LRFN5: variants seen among roughly 807,000 people sequenced by gnomAD.
LRFN5 encodes leucine rich repeat and fibronectin type III domain containing 5.
Under a neutral mutation model 45.6 loss-of-function variants are expected in LRFN5, and 24 were observed. The observed-to-expected ratio is 0.53, with a 90% CI of 0.38 to 0.74. The LOEUF (loss-of-function observed/expected upper bound fraction) is 0.74. Ranked by LOEUF, LRFN5 falls within the 30% of genes least tolerant of loss-of-function variation. LRFN5 has a pLI of 0.00. For missense variants in LRFN5, 776 were observed against 861.5 expected, an observed-to-expected ratio of 0.90 and a Z score of 1.24; for synonymous variants, 340 against 313.8, an observed-to-expected ratio of 1.08 and a Z score of -0.88.
chr14:41,707,458 A>G (rs539843123), intron 1 of LRFN5, among the ~76,000 whole-genome samples: 1 of 152,268 alleles, frequency 6.6e-6, no homozygotes, highest in Non-Finnish European at 1.5e-5. Flanking sequence ...ATTTTTACAA[A>G]TAATGTGATG....
chr14:41,699,173 ATTT>A (rs1459043812), intron 1 of LRFN5, among the ~76,000 whole-genome samples: 3 of 152,052 alleles, frequency 2.0e-5, no homozygotes, highest in Non-Finnish European at 4.4e-5. Flanking sequence ...TCGCCTGGAG[ATTT>A]TTATTAAAAT....
In LRFN5 at chr14:41,793,320, T is replaced by A. The variant is rs540165467; in HGVS notation, c.-21+26291T>A. 2.6e-5 allele frequency among the ~76,000 whole-genome samples: 4 copies of A among 152,160 alleles called. No homozygotes were observed. In the East Asian group the frequency reaches 7.8e-4, roughly 30 times the overall value. On this transcript the variant is annotated intron_variant, in intron 2 of 5. Coordinates refer to ENST00000298119, the MANE Select transcript of LRFN5 (RefSeq NM_152447.5). ...TAAATCATATGTAAGGCACACAGGT[T>A]GGAGATGAGATAAAATGCACTCTGT...
chr14:41,768,194 A>G (rs1245859258), intron 2 of LRFN5, among the ~76,000 whole-genome samples: 1 of 152,110 alleles, frequency 6.6e-6, no homozygotes, highest in Non-Finnish European at 1.5e-5. Context: ...GAACAGAAAA[A>G]CTGTAGTTAA....
intron 2 of LRFN5, among the ~76,000 whole-genome samples, chr14:41,812,932 A>T (rs1226848626): frequency 6.6e-6 from 1 of 152,142 alleles, no homozygotes; most frequent in Admixed American, 6.6e-5. Flanking sequence ...CACGTTCCAG[A>T]CTAGAGAAAA....
intron 1 of LRFN5, among the ~76,000 whole-genome samples, chr14:41,742,285 AG>A (rs1399467845): frequency 6.7e-6 from 1 of 149,682 alleles, no homozygotes. Context: ...TTTTATTAAA[AG>A]ATTAATGAAG....
intron 1 of LRFN5, chr14:41,699,897 A>G (rs1327580521): frequency 6.6e-6 from 1 of 152,116 alleles, no homozygotes; most frequent in Non-Finnish European, 1.5e-5. Context: ...AAGGATGAAC[A>G]ACTAAAACTG....
rs77193135 is a variant in LRFN5 at position 41,622,139 on chromosome 14, T to C, written c.-197+13577T>C. Reference sequence around the variant, plus strand: ...TCTTTCCATCCCTCTTTTTTTTTTTTCATTTCTTTCAGAAATAGTTTATCT... The same window carrying C: ...TCTTTCCATCCCTCTTTTTTTTTTTCCATTTCTTTCAGAAATAGTTTATCT... On this transcript the variant is annotated intron_variant, in intron 1 of 5. Coordinates refer to ENST00000298119, the MANE Select transcript of LRFN5 (RefSeq NM_152447.5). Among the ~76,000 whole-genome samples the C allele has an allele frequency of 1.1e-4, 17 of 151,262 alleles. No individual in the cohort carries two copies. The South Asian group carries it at 2.7e-3, about 24-fold the overall frequency.
At chr14:41,866,427 TTAAATCCTC>T (rs1385208140) in intron 2 of LRFN5, among the ~76,000 whole-genome samples, 1 of 152,126 alleles carries the variant, frequency 6.6e-6, no homozygotes, top group African/African-American at 2.4e-5. Context: ...ACTGCCACTA[TTAAATCCTC>T]TACTCTTGGG....
chr14:41,615,824 CAGGTGT>C (rs941494841), intron 1 of LRFN5, among the ~76,000 whole-genome samples: 3 of 152,018 alleles, frequency 2.0e-5, no homozygotes, highest in African/African-American at 7.2e-5. Flanking sequence ...GGATACATAG[CAGGTGT>C]ATATATTTCT....
chr14:41,714,797 C>A (rs1018583600), intron 1 of LRFN5, among the ~76,000 whole-genome samples: 1 of 152,062 alleles, frequency 6.6e-6, no homozygotes, highest in Admixed American at 6.6e-5. Context: ...CCCAGCTACT[C>A]AGGAGGCTGA....
intron 1 of LRFN5, among the ~76,000 whole-genome samples, chr14:41,709,435 A>C (rs537065791): frequency 7.6e-4 from 116 of 151,970 alleles, no homozygotes; most frequent in African/African-American, 2.7e-3. Context: ...ATCACTTCTC[A>C]TTTTTCACAC....
chr14:41,826,242 A>G lies in LRFN5; in HGVS notation c.-21+59213A>G, dbSNP rs747442665. 2.4e-4 allele frequency among the ~76,000 whole-genome samples: 36 copies of G among 152,180 alleles called. 1 individual carries two copies. Among genetic ancestry groups the G allele is most frequent in the Non-Finnish European group, 3.5e-4 (24 of 68,030 alleles). On this transcript the variant is annotated intron_variant, in intron 2 of 5. Transcript: ENST00000298119. The stretch of plus-strand genomic sequence containing the variant: ...CAACTCTTCAGAGGTTGCTCATTAC[A>G]TTATGAAGATTATGTAGATACTTTA...
chr14:41,882,618 C>T (rs1316133639), intron 2 of LRFN5, among the ~76,000 whole-genome samples: 1 of 151,960 alleles, frequency 6.6e-6, no homozygotes, highest in Non-Finnish European at 1.5e-5. Context: ...GATAATATTC[C>T]TGTTACTCAA....
rs74670768 is a variant in LRFN5, at chr14:41,764,507, A to G, written c.-196-2347A>G. On this transcript the variant is annotated intron_variant, in intron 1 of 5. Transcript: ENST00000298119. ...TCTGGGAAATTATAATTTAGGTAGG[A>G]ATTTCAGTTGTTACTGTGCTTTTCA... 3.1e-4 allele frequency among the ~76,000 whole-genome samples: 47 copies of G among 152,234 alleles called. 2 individuals are homozygous for G. The East Asian group carries it at 8.9e-3, about 29-fold the overall frequency.
chr14:41,879,849 T>C (rs959651863), intron 2 of LRFN5, among the ~76,000 whole-genome samples: 2 of 151,090 alleles, frequency 1.3e-5, no homozygotes, highest in African/African-American at 4.9e-5. Context: ...TATTTTTTTA[T>C]TCTTCTCATT....
At position 41,879,916 on chromosome 14, in the gene LRFN5, CTTTTTTTTTTTTTTT is replaced by C. The variant is rs34553310; in HGVS notation, c.-20-6678_-20-6664del. Among the ~76,000 whole-genome samples, 4 of 56,472 alleles carry C rather than the reference CTTTTTTTTTTTTTTT, an allele frequency of 7.1e-5. No homozygotes were observed. The Admixed American group carries it at 1.0e-3, about 15-fold the overall frequency. The allele number at this position is 56,472 out of a possible 152,430, so 37.0% of individuals were successfully genotyped here. On this transcript the variant is annotated intron_variant, in intron 2 of 5. Coordinates refer to ENST00000298119, the MANE Select transcript of LRFN5 (RefSeq NM_152447.5). ...ATTATCTTGCAGGGATCAATTTTTCCTTTTTTTTTTTTTTTTTTTTTTTTTTAACAGAGTCTCACT... is the reference window on the plus strand; with the variant it reads ...ATTATCTTGCAGGGATCAATTTTTCCTTTTTTTTTTTAACAGAGTCTCACT...
intron 1 of LRFN5, among the ~76,000 whole-genome samples, chr14:41,633,322 A>T (rs1888615337): frequency 6.6e-6 from 1 of 152,180 alleles, no homozygotes; most frequent in South Asian, 2.1e-4. Flanking sequence ...ATGTTAAAAA[A>T]TTTCACTGTT....
intron 1 of LRFN5, among the ~76,000 whole-genome samples, chr14:41,674,323 G>C (rs1197677882): frequency 7.4e-6 from 1 of 135,818 alleles, no homozygotes; most frequent in South Asian, 2.4e-4. Flanking sequence ...CTGGCCGGGC[G>C]GGGGGCCGAC....
intron 1 of LRFN5, among the ~76,000 whole-genome samples, chr14:41,718,794 C>A (rs572458217): frequency 6.6e-6 from 1 of 152,306 alleles, no homozygotes; most frequent in Admixed American, 6.5e-5. Context: ...GCTTTAAACA[C>A]TTTAGTGATT....
Sources: gnomAD v4.1 joint callset for allele counts (sites outside exome capture counted in the v4.1 genomes callset) on GRCh38, gnomAD v4.1.1 for gene constraint, MANE v1.5 for transcripts, NCBI Gene and HGNC (gene_info 2026-07-23, HGNC 2026-07-21) for gene names.